The following GTPBP4 variants were observed in gnomAD, a reference collection of about 807,000 sequenced individuals.
GTPBP4 encodes the protein GTP binding protein 4.
GTPBP4 carries 15 observed loss-of-function variants against 81.7 expected under a neutral mutation model. That is an observed-to-expected ratio of 0.18 (90% CI 0.12 to 0.28). The LOEUF (loss-of-function observed/expected upper bound fraction) is 0.28. Ranked by LOEUF, GTPBP4 falls within the 10% of genes least tolerant of loss-of-function variation. The pLI is 1.00. For synonymous variants in GTPBP4, 272 were observed against 274.6 expected (o/e 0.99, Z 0.09); for missense variants, 847 against 793.8 (o/e 1.07, Z -0.81).
rs538291280 is a variant in GTPBP4, at chr10:1,018,369, A to G, written c.*1142A>G. 4.6e-5 allele frequency: 7 copies of G among 151,586 alleles called. No homozygotes were observed. The East Asian group carries it at 1.2e-3, about 25-fold the overall frequency. 9.4% of individuals were successfully genotyped at this position (151,586 alleles called of 1,614,324 possible). A position where few individuals can be genotyped will look rare whatever the true frequency, so the allele number is the denominator to read the frequency against. On this transcript the variant is annotated 3_prime_UTR_variant, in exon 17 of 17. Transcript: ENST00000360803. ...GAGCCCAGAGGCGGAGGTTGCAGTG[A>G]GCCGAGATCGTGCCACTGCACTCCA...
At position 992,595 on chromosome 10, in the gene GTPBP4, A is replaced by G. The variant is rs1348447815; in HGVS notation, c.155A>G (p.Lys52Arg). The change falls in exon 2 of 17, where the codon AAA becomes AGA. Residue 52 changes from lysine to arginine, a missense_variant. Physicochemically the swap from Lys to Arg is conservative, Grantham distance 26 (BLOSUM62 2). Around this residue, in one of 3 missense-constraint regions of GTPBP4, gnomAD observed 241 missense variants for 216.3 expected, o/e 1.11. Transcript: ENST00000360803. ...RIRHFYMRKVKFTQQNYHDRL... is the reference protein window; with the variant it reads ...RIRHFYMRKVRFTQQNYHDRL... ...AGACATTTTTACATGAGAAAAGTCA[A>G]ATTTACTCAACAGAATTACCATGAT... The G allele has an allele frequency of 1.1e-5, 17 of 1,604,970 alleles. No individual in the cohort carries two copies. The highest frequency in any genetic ancestry group is 1.7e-5 in the Admixed American group (1 of 59,928).
intron 8 of GTPBP4, among the ~76,000 whole-genome samples, chr10:1,005,142 T>G (rs374616965): frequency 4.6e-5 from 7 of 150,704 alleles, no homozygotes; most frequent in South Asian, 2.1e-4. Flanking sequence ...TTTTTTGGTT[T>G]GTTTGTTTGT....
intron 8 of GTPBP4, 31 bp downstream of exon 8, chr10:1,001,044 T>G: frequency 6.8e-6 from 10 of 1,465,044 alleles, no homozygotes; most frequent in Non-Finnish European, 9.6e-6. Flanking sequence ...GAATATTTCT[T>G]ACTTACCAAT....
In GTPBP4 at chr10:1,010,421, G is replaced by A. The variant is rs1289823517; in HGVS notation, c.1245G>A (p.Lys415=). 3 of 1,500,458 alleles carry A rather than the reference G, an allele frequency of 2.0e-6. No homozygotes were observed. The highest frequency in any genetic ancestry group is 2.3e-5 in the South Asian group (2 of 88,784). The allele number at this position is 1,500,458 out of a possible 1,614,324, so 92.9% of individuals were successfully genotyped here. The change falls in exon 13 of 17, where the codon AAG becomes AAA. Residue 415 remains lysine (K), a splice_region_variant and synonymous_variant. Transcript: ENST00000360803. ...TAACCACCTTTTTTTTAACTTTAGAGTACTGGGATTTAATGAATTTGTCTG... is the reference window on the plus strand; with the variant it reads ...TAACCACCTTTTTTTTAACTTTAGAATACTGGGATTTAATGAATTTGTCTG... ...MGDDYILDLQ[K]YWDLMNLSEK... is the part of the protein sequence containing the mutation.
chr10:1,014,027 G>A (rs960431864), intron 14 of GTPBP4, among the ~76,000 whole-genome samples: 29 of 152,252 alleles, frequency 1.9e-4, no homozygotes, highest in African/African-American at 3.1e-4. Context: ...TGGAGGATAC[G>A]CTGATTCTTC....
At chr10:998,634 G>A (rs764780932) in intron 5 of GTPBP4, among the ~76,000 whole-genome samples, 1 of 152,214 alleles carries the variant, frequency 6.6e-6, no homozygotes, top group Non-Finnish European at 1.5e-5. Flanking sequence ...CAACTCCTCA[G>A]TCACATGAGC....
intron 1 of GTPBP4, among the ~76,000 whole-genome samples, chr10:991,490 T>C (rs1256506420): frequency 6.6e-6 from 1 of 152,156 alleles, no homozygotes; most frequent in Admixed American, 6.5e-5. Context: ...TCTTTGGAAA[T>C]TATAAACAGT....
At position 997,320 on chromosome 10, in the gene GTPBP4, T is replaced by C. The variant is rs1185536050; in HGVS notation, c.561+12T>C. 7.0e-7 allele frequency: 1 copy of C among 1,420,064 alleles called. No homozygotes were observed. The highest frequency in any genetic ancestry group is 1.1e-5 in the South Asian group (1 of 87,110). 88.0% of individuals were successfully genotyped at this position (1,420,064 alleles called of 1,614,324 possible). ...GCTTCATCAACAAGGTTGGTCTGGT[T>C]TTTATCGTAAAGCAAATCATCTGAC... On this transcript the variant is annotated intron_variant, in intron 5 of 16. Transcript: ENST00000360803.
chr10:1,002,018 G>C (rs923920305), intron 8 of GTPBP4, among the ~76,000 whole-genome samples: 2 of 151,844 alleles, frequency 1.3e-5, no homozygotes, highest in East Asian at 1.9e-4. Flanking sequence ...CCACCTCTGA[G>C]GTTCAAGTGA....
chr10:992,293 T>C (rs1459582404), intron 1 of GTPBP4, among the ~76,000 whole-genome samples, 196 bp from the exon 2 acceptor site: 1 of 150,176 alleles, frequency 6.7e-6, no homozygotes, highest in African/African-American at 2.5e-5. Flanking sequence ...CCAGCTACTC[T>C]GGAGGCTGAG....
At chr10:996,325 T>G (rs747012997) in intron 4 of GTPBP4, 83 bp downstream of exon 4, 14 of 1,261,370 alleles carry the variant, frequency 1.1e-5, no homozygotes, top group Admixed American at 2.5e-5. Context: ...ATGTCTGTTT[T>G]TCTTGTATTT....
At chr10:1,016,237 C>T (rs1831990776) in intron 16 of GTPBP4, among the ~76,000 whole-genome samples, 1 of 152,196 alleles carries the variant, frequency 6.6e-6, no homozygotes, top group Admixed American at 6.5e-5. Context: ...TCAAGTCCAG[C>T]AAGCCCCCCA....
rs1564466977 is a variant in GTPBP4, at chr10:999,115, T to A, written c.654+20T>A. The A allele has an allele frequency of 1.5e-6, 2 of 1,294,178 alleles. No individual in the cohort carries two copies. Among genetic ancestry groups the A allele is most frequent in the Non-Finnish European group, 2.3e-6 (2 of 888,608 alleles). 80.2% of individuals were successfully genotyped at this position (1,294,178 alleles called of 1,614,324 possible). On this transcript the variant is annotated intron_variant, in intron 6 of 16. Transcript: ENST00000360803. Reference sequence around the variant, plus strand: ...TGGCAGGTGAGAGTCTTGTCTTTATTTTTATTCATTTATTTATTTTGAGTT... The same window carrying A: ...TGGCAGGTGAGAGTCTTGTCTTTATATTTATTCATTTATTTATTTTGAGTT...
chr10:1,008,265 T>C, intron 10 of GTPBP4: 1 of 403,042 alleles, frequency 2.5e-6, no homozygotes, highest in East Asian at 7.1e-5. Flanking sequence ...CTACGAAAAT[T>C]AGTCGGGCGC....
At position 996,156 on chromosome 10, in the gene GTPBP4, G is replaced by A. The variant is rs374244248; in HGVS notation, c.374G>A (p.Arg125His). The change falls in exon 4 of 17, where the codon CGC becomes CAC. Residue 125 changes from arginine (R) to histidine (H), a missense_variant. By Grantham distance (29) the Arg-to-His change is conservative. Around this residue, in one of 3 missense-constraint regions of GTPBP4, gnomAD observed 241 missense variants for 216.3 expected, o/e 1.11. Transcript: ENST00000360803. The stretch of plus-strand genomic sequence containing the variant: ...ATGAAGTATGGCGACTCTCTCTACC[G>A]CTGCAAACAGCTGAAGCGTGCGGCC... ...RLMKYGDSLYRCKQLKRAALG... is the reference protein window; with the variant it reads ...RLMKYGDSLYHCKQLKRAALG... The A allele has an allele frequency of 8.7e-6, 14 of 1,611,876 alleles. No homozygotes were observed. The highest frequency in any genetic ancestry group is 3.3e-5 in the Admixed American group (2 of 59,942).
intron 1 of GTPBP4, among the ~76,000 whole-genome samples, chr10:989,742 TTTC>T (rs2132151866): frequency 6.6e-6 from 1 of 152,308 alleles, no homozygotes; most frequent in East Asian, 1.9e-4. Context: ...ATTGTAGTAT[TTTC>T]TTTCTTTCTT....
At chr10:997,125 G>A in intron 4 of GTPBP4, 83 bp from the exon 5 acceptor site, 1 of 845,686 alleles carries the variant, frequency 1.2e-6, no homozygotes, top group Non-Finnish European at 2.0e-6. Flanking sequence ...CCATAGGCCT[G>A]GACTGTAACT....
chr10:989,564 C>T (rs113413001), intron 1 of GTPBP4, among the ~76,000 whole-genome samples: 1 of 152,160 alleles, frequency 6.6e-6, no homozygotes, highest in Non-Finnish European at 1.5e-5. Flanking sequence ...TGACTGTTTT[C>T]CCCTCGTCAG....
In GTPBP4 at chr10:1,012,718, G is replaced by T. The variant is rs148044082; in HGVS notation, c.1542+56G>T. ...TCTAGTTTTTGAAAATTGGATTCCT[G>T]TGTGATCATTGCTAAATAACAACTT... On this transcript the variant is annotated intron_variant, in intron 14 of 16. Transcript: ENST00000360803. 2.7e-4 allele frequency: 328 copies of T among 1,215,246 alleles called. 1 individual carries two copies. In the African/African-American group the frequency reaches 4.5e-3, roughly 17 times the overall value. The allele number at this position is 1,215,246 out of a possible 1,614,324, so 75.3% of individuals were successfully genotyped here.
Sources: allele counts gnomAD v4.1 joint callset (sites outside exome capture counted in the v4.1 genomes callset), GRCh38; gene constraint gnomAD v4.1.1; regional missense constraint gnomAD v4.1.1; transcripts MANE v1.5; gene names NCBI Gene and HGNC (gene_info 2026-07-23, HGNC 2026-07-21).